The following SPRY3 variants were observed in gnomAD, a reference collection of about 807,000 sequenced individuals.
SPRY3 encodes the protein sprouty RTK signaling antagonist 3, also known as protein sprouty homolog 3.
Under a neutral mutation model 20.2 loss-of-function variants are expected in SPRY3, and 15 were observed. The observed-to-expected ratio is 0.74, with a 90% confidence interval of 0.50 to 1.14. The LOEUF (loss-of-function observed/expected upper bound fraction) is 1.14, where lower values mean the gene tolerates loss of function less well. SPRY3 is among the 50% of genes most tolerant of loss of function. SPRY3 has a pLI of 0.00. For synonymous variants in SPRY3, 143 were observed against 136.5 expected (o/e 1.05, Z -0.33); for missense variants, 364 against 363.9 (o/e 1.00, Z 0.00).
At chrX:155,730,257 C>A (rs1213733962) in intron 2 of SPRY3, among the ~76,000 whole-genome samples, 1 of 152,280 alleles carries the variant, frequency 6.6e-6, no homozygotes, top group African/African-American at 2.4e-5. Context: ...AGGCCAACAT[C>A]CCTGATGAAC....
At chrX:155,672,806 G>GAACC (rs1467718559) in intron 2 of SPRY3, among the ~76,000 whole-genome samples, 2 of 102,627 alleles carry the variant, frequency 1.9e-5, no homozygotes, top group African/African-American at 7.2e-5. Context: ...CAAAGACTTG[G>GAACC]AACCAACCCA....
intron 2 of SPRY3, among the ~76,000 whole-genome samples, chrX:155,668,578 T>C (rs1472385591): frequency 9.0e-6 from 1 of 110,828 alleles, no homozygotes; most frequent in African/African-American, 3.3e-5. Flanking sequence ...TGTACTTATA[T>C]CTTAATTAAA....
chrX:155,767,926 T>TTTG (rs1054719247), intron 2 of SPRY3, 36 bp from the exon 2 acceptor site: 2 of 153,954 alleles, frequency 1.3e-5, no homozygotes, highest in African/African-American at 4.8e-5. Flanking sequence ...TTTGTTTTGT[T>TTTG]TTGTTTTGTT....
chrX:155,657,810 C>G (rs782274046), intron 2 of SPRY3, among the ~76,000 whole-genome samples: 1 of 112,369 alleles, frequency 8.9e-6, no homozygotes, highest in African/African-American at 3.2e-5. Context: ...AGCATAGTAT[C>G]TGGGCTGGAT....
chrX:155,626,701 T>C (rs1355291518), intron 1 of SPRY3, among the ~76,000 whole-genome samples: 1 of 112,186 alleles, frequency 8.9e-6, no homozygotes, highest in Non-Finnish European at 1.9e-5. Context: ...ATATCTTTGA[T>C]ACATTTTTAG....
chrX:155,750,752 C>A (rs139747963), intron 2 of SPRY3, among the ~76,000 whole-genome samples: 5 of 151,710 alleles, frequency 3.3e-5, no homozygotes, highest in Non-Finnish European at 7.4e-5. Flanking sequence ...ATAAAATAGA[C>A]GGCTGGTGGG....
chrX:155,617,305 T>C (rs2067856869), intron 1 of SPRY3, among the ~76,000 whole-genome samples: 1 of 110,561 alleles, frequency 9.0e-6, no homozygotes. Flanking sequence ...TGAAGCTGAC[T>C]GATTTAAGCA....
At chrX:155,715,765 C>T (rs1339524691) in intron 2 of SPRY3, among the ~76,000 whole-genome samples, 1 of 152,170 alleles carries the variant, frequency 6.6e-6, no homozygotes, top group African/African-American at 2.4e-5. Flanking sequence ...ACTGCTCTAG[C>T]TAAGGCTGGT....
chrX:155,753,077 C>A (rs5940570), intron 2 of SPRY3, among the ~76,000 whole-genome samples: 6,160 of 151,914 alleles, frequency 0.041, 149 homozygotes, highest in African/African-American at 0.067. Context: ...CAAATGTATT[C>A]TTTAAAAAAC....
chrX:155,772,609 C>G lies in SPRY3; in HGVS notation c.-106-1157C>G, dbSNP rs541458982. 5.0e-4 allele frequency among the ~76,000 whole-genome samples: 76 copies of G among 152,084 alleles called. 2 individuals are homozygous for G. In the South Asian group the frequency reaches 0.01, roughly 20 times the overall value. ...GGTTTCTTCATGTACACCTTTTTGA[C>G]TCTTCAGTCTTCTAGGTGGTGCAAT... On this transcript the variant is annotated intron_variant, in intron 3 of 3. Coordinates refer to ENST00000675360, the Ensembl canonical transcript of SPRY3.
intron 1 of SPRY3, among the ~76,000 whole-genome samples, chrX:155,641,167 T>C (rs782613665): frequency 8.9e-6 from 1 of 112,279 alleles, no homozygotes; most frequent in Admixed American, 9.5e-5. Context: ...TTTTTCAATA[T>C]CAATTGAAAT....
intron 1 of SPRY3, among the ~76,000 whole-genome samples, chrX:155,643,948 T>G (rs1211098183): frequency 4.5e-5 from 5 of 111,814 alleles, no homozygotes; most frequent in Non-Finnish European, 9.4e-5. Flanking sequence ...GTTTTTTCTG[T>G]GTACTTACTA....
intron 2 of SPRY3, among the ~76,000 whole-genome samples, chrX:155,751,186 T>C (rs2091260511): frequency 6.6e-6 from 1 of 151,668 alleles, no homozygotes; most frequent in Admixed American, 6.6e-5. Flanking sequence ...AAATTGAGAT[T>C]GTGTAAGTAG....
intron 2 of SPRY3, among the ~76,000 whole-genome samples, chrX:155,714,111 T>C (rs1429722111): frequency 6.6e-6 from 1 of 152,186 alleles, no homozygotes; most frequent in Non-Finnish European, 1.5e-5. Flanking sequence ...TTTATGTTTT[T>C]TTGAATTTCT....
chrX:155,705,662 G>C (rs887752315), intron 2 of SPRY3, among the ~76,000 whole-genome samples: 1 of 151,270 alleles, frequency 6.6e-6, no homozygotes, highest in African/African-American at 2.4e-5. Flanking sequence ...AAGTAAAAGA[G>C]TGGAGAAATA....
At chrX:155,774,848 C>A in exon 4 of SPRY3, 9 of 1,286,694 alleles carry the variant, frequency 7.0e-6, no homozygotes, top group Non-Finnish European at 9.7e-6. Context: ...AAGTTAGGGC[C>A]TCTCTTTTGT....
At chrX:155,763,515 C>T (rs1222836567) in intron 2 of SPRY3, among the ~76,000 whole-genome samples, 2 of 152,048 alleles carry the variant, frequency 1.3e-5, no homozygotes, top group Admixed American at 1.3e-4. Context: ...TATTTTATTC[C>T]TTTGTTCTAA....
At chrX:155,734,335 A>T (rs1001156335) in intron 2 of SPRY3, among the ~76,000 whole-genome samples, 2 of 151,982 alleles carry the variant, frequency 1.3e-5, no homozygotes, top group South Asian at 2.1e-4. Context: ...AAGGAAAGAG[A>T]TGAGGGATGG....
intron 2 of SPRY3, among the ~76,000 whole-genome samples, chrX:155,684,772 AC>A (rs2068082920): frequency 9.0e-6 from 1 of 110,545 alleles, no homozygotes. Context: ...CTGTCAGAAA[AC>A]TTTTTTTTTA....
Sources: gnomAD v4.1 joint callset for allele counts (sites outside exome capture counted in the v4.1 genomes callset) on GRCh38, gnomAD v4.1.1 for gene constraint, MANE v1.5 for transcripts, NCBI Gene and HGNC (gene_info 2026-07-23, HGNC 2026-07-21) for gene names.